The following ABCC11 variants were observed in gnomAD, a reference collection of about 807,000 sequenced individuals.
ABCC11 encodes ATP-binding cassette sub-family C member 11.
ABCC11 carries 135 observed loss-of-function variants against 149.3 expected under a neutral mutation model. That is an observed-to-expected ratio of 0.90 (90% confidence interval 0.79 to 1.04). The LOEUF (loss-of-function observed/expected upper bound fraction) is 1.04, where lower values mean the gene tolerates loss of function less well. Ranked by LOEUF, ABCC11 falls within the 50% of genes least tolerant of loss-of-function variation. The pLI, the probability that ABCC11 is intolerant of heterozygous loss-of-function variation, is 0.00. For synonymous variants in ABCC11, 665 were observed against 671.4 expected, an observed-to-expected ratio of 0.99 and a Z score of 0.15; for missense variants, 1,680 against 1,722.1, an observed-to-expected ratio of 0.98 and a Z score of 0.43.
At chr16:48,187,755 A>G (rs531054231) in intron 20 of ABCC11, among the ~76,000 whole-genome samples, 38 of 152,318 alleles carry the variant, frequency 2.5e-4, no homozygotes, top group African/African-American at 8.2e-4. Context: ...GTGTATAATT[A>G]AAAGGCTGAA....
At chr16:48,193,643 T>C (rs1302457632) in intron 19 of ABCC11, among the ~76,000 whole-genome samples, 1 of 152,086 alleles carries the variant, frequency 6.6e-6, no homozygotes, top group Non-Finnish European at 1.5e-5. Flanking sequence ...GGGATATAAA[T>C]CTCTTGGTTT....
intron 15 of ABCC11, among the ~76,000 whole-genome samples, chr16:48,199,059 T>C (rs1967701808): frequency 6.6e-6 from 1 of 151,024 alleles, no homozygotes; most frequent in South Asian, 2.1e-4. Context: ...TATATCTATA[T>C]ATATATAAAG....
intron 18 of ABCC11, among the ~76,000 whole-genome samples, chr16:48,195,369 C>A (rs553087746): frequency 6.6e-6 from 1 of 152,312 alleles, no homozygotes; most frequent in African/African-American, 2.4e-5. Context: ...TCTGTCTGGG[C>A]AGGCCCTGGG....
chr16:48,189,759 T>C (rs1353518810), intron 20 of ABCC11, among the ~76,000 whole-genome samples: 1 of 152,116 alleles, frequency 6.6e-6, no homozygotes, highest in Non-Finnish European at 1.5e-5. Context: ...TCAGGTAGAA[T>C]TTCCCCCTCC....
chr16:48,187,472 C>G, intron 20 of ABCC11, 45 bp from the exon 21 acceptor site: 1 of 1,510,172 alleles, frequency 6.6e-7, no homozygotes, highest in Non-Finnish European at 9.0e-7. Flanking sequence ...AGCTGCAGGC[C>G]CTGCTCAAGA....
intron 5 of ABCC11, among the ~76,000 whole-genome samples, chr16:48,223,307 A>G (rs1413678029): frequency 2.0e-5 from 3 of 152,138 alleles, no homozygotes; most frequent in Non-Finnish European, 4.4e-5. Flanking sequence ...AAGGACAAGG[A>G]GGGAGGCCGC....
At position 48,193,883 on chromosome 16, in the gene ABCC11, G is replaced by A. The variant is rs762937454; in HGVS notation, c.2504C>T (p.Ser835Leu). The stretch of plus-strand genomic sequence containing the variant: ...CATCCACCTCATGGCACTCACCCCC[G>A]AGCCCTGCTCCAACCAGTAGCTCAG... The part of the protein sequence containing the change: ...WWLSYWLEQG[S>L]GTNSSRESNG... Residue 835 changes from serine to leucine, a missense_variant, in exon 19 of 30, where the codon TCG (serine) becomes TTG (leucine). By Grantham distance (145) the Ser-to-Leu change is moderately radical. Transcript: ENST00000356608. 38 of 1,613,138 alleles carry A rather than the reference G, an allele frequency of 2.4e-5. No individual in the cohort carries two copies. The highest frequency in any genetic ancestry group is 3.3e-5 in the Admixed American group (2 of 59,982).
At position 48,200,357 on chromosome 16, in the gene ABCC11, G is replaced by C; in HGVS notation, c.2001C>G (p.His667Gln). Residue 667 changes from histidine to glutamine, a missense_variant, in exon 15 of 30, where the codon CAC (histidine) becomes CAG (glutamine). Transcript: ENST00000356608. ...LDDPLSAVDA[H>Q]VGKHIFEECI... ...ACTCCTCAAAAATGTGCTTCCCCAC[G>C]TGGGCGTCCACAGCAGACAGGGGGT... 6.2e-7 allele frequency: 1 copy of C among 1,614,252 alleles called. No individual in the cohort carries two copies.
rs1397785306 is a variant in ABCC11, at chr16:48,187,445, A to G, written c.2707-18T>C. 2.5e-6 allele frequency: 4 copies of G among 1,585,708 alleles called. No individual in the cohort carries two copies. The highest frequency in any genetic ancestry group is 2.3e-5 in the East Asian group (1 of 43,484). On this transcript the variant is annotated intron_variant, in intron 20 of 29. Coordinates refer to ENST00000356608, the MANE Select transcript of ABCC11 (RefSeq NM_001370497.1). ...CGGAAAACCTGCAGGGACAAAATCA[A>G]CGCAGACCATGAGAGAAGCTGCAGG...
chr16:48,202,495 C>T (rs1253407780), intron 14 of ABCC11, among the ~76,000 whole-genome samples: 1 of 151,972 alleles, frequency 6.6e-6, no homozygotes, highest in African/African-American at 2.4e-5. Flanking sequence ...CCTGTAATCC[C>T]AGCTACTCAG....
At chr16:48,192,910 T>C (rs1167734731) in intron 19 of ABCC11, among the ~76,000 whole-genome samples, 193 bp from the exon 20 acceptor site, 1 of 152,124 alleles carries the variant, frequency 6.6e-6, no homozygotes, top group Non-Finnish European at 1.5e-5. Context: ...CATCAGGCCC[T>C]CAGAGTCTGC....
At chr16:48,241,306 A>G (rs1323588081) in intron 1 of ABCC11, among the ~76,000 whole-genome samples, 1 of 152,210 alleles carries the variant, frequency 6.6e-6, no homozygotes, top group African/African-American at 2.4e-5. Context: ...AACAGTAGAT[A>G]AACTCCAATT....
rs750280785 is a variant in ABCC11 at position 48,167,321 on chromosome 16, A to T, written c.4102T>A (p.Ser1368Thr). The change falls in exon 30 of 30, where the codon TCA (serine) becomes ACA (threonine). Residue 1368 changes from serine (S) to threonine (T), a missense_variant. Coordinates refer to ENST00000356608, the MANE Select transcript of ABCC11 (RefSeq NM_001370497.1). The stretch of plus-strand genomic sequence containing the variant: ...GTGGCCATGAGGGCTGCGAACAATG[A>T]CCCAGGCTTCTTCCGCAGTACCTCC... ...RPEVLRKKPG[S>T]LFAALMATAT... The T allele has an allele frequency of 1.0e-6, 1 of 976,854 alleles. No individual in the cohort carries two copies. The highest frequency in any genetic ancestry group is 1.3e-5 in the South Asian group (1 of 78,446). 60.5% of individuals were successfully genotyped at this position (976,854 alleles called of 1,614,324 possible).
rs755729800 is a variant in ABCC11, at chr16:48,196,234, C to G, written c.2402G>C (p.Gly801Ala). The change falls in exon 18 of 30, where the codon GGA becomes GCA. Residue 801 changes from glycine to alanine, a missense_variant and splice_region_variant. By Grantham distance (60) the Gly-to-Ala change is moderately conservative. Coordinates refer to ENST00000356608, the MANE Select transcript of ABCC11 (RefSeq NM_001370497.1). Reference sequence around the variant, plus strand: ...CTGGGCTGGCATGGGGACCGTACCTCCAGCTGCCTGGATGTAGTGGTGGTA... The same window carrying G: ...CTGGGCTGGCATGGGGACCGTACCTGCAGCTGCCTGGATGTAGTGGTGGTA... ...RVYHHYIQAAGGYMVSCIIFF... is the reference protein window; with the variant it reads ...RVYHHYIQAAAGYMVSCIIFF... 1 of 1,614,110 alleles carries G rather than the reference C, an allele frequency of 6.2e-7. No individual in the cohort carries two copies.
At chr16:48,230,956 C>T (rs2150919730) in intron 2 of ABCC11, among the ~76,000 whole-genome samples, 1 of 152,244 alleles carries the variant, frequency 6.6e-6, no homozygotes, top group African/African-American at 2.4e-5. Context: ...TTATATGTTT[C>T]CCTTTTGACA....
intron 20 of ABCC11, 105 bp from the exon 21 acceptor site, chr16:48,187,532 G>A (rs1287726791): frequency 1.1e-6 from 1 of 916,504 alleles, no homozygotes; most frequent in Non-Finnish European, 1.7e-6. Context: ...ACGGATCCCA[G>A]GGGTCTCCAG....
chr16:48,219,670 T>A (rs76976241), intron 6 of ABCC11, among the ~76,000 whole-genome samples: 21,901 of 152,168 alleles, frequency 0.14, 2,085 homozygotes, highest in African/African-American at 0.28. Context: ...TAAAAGAAAA[T>A]TTTTTAATTA....
At chr16:48,198,497 T>C (rs1967642341) in intron 15 of ABCC11, among the ~76,000 whole-genome samples, 1 of 152,186 alleles carries the variant, frequency 6.6e-6, no homozygotes, top group Non-Finnish European at 1.5e-5. Context: ...TACAACTACT[T>C]TGGAGAACAA....
intron 6 of ABCC11, among the ~76,000 whole-genome samples, chr16:48,218,451 G>A (rs1969498916): frequency 6.6e-6 from 1 of 152,160 alleles, no homozygotes; most frequent in African/African-American, 2.4e-5. Flanking sequence ...CAGTGAAATG[G>A]AAATAATAAT....
Sources: gnomAD v4.1 joint callset for allele counts (sites outside exome capture counted in the v4.1 genomes callset) on GRCh38, gnomAD v4.1.1 for gene constraint, MANE v1.5 for transcripts, NCBI Gene and HGNC (gene_info 2026-07-23, HGNC 2026-07-21) for gene names.